FDFT1: variants seen among roughly 807,000 people sequenced by gnomAD.
FDFT1 encodes squalene synthase.
In FDFT1, 68 loss-of-function variants were observed where a neutral mutation model predicts 46.8. The observed-to-expected ratio is 1.45, with a 90% CI of 1.19 to 1.78. FDFT1 has a LOEUF of 1.78. Ranked by LOEUF, FDFT1 falls within the 40% of genes most tolerant of loss-of-function variation. The probability of loss-of-function intolerance (pLI) is 0.00; values close to 1 mark genes in which losing one functional copy is unlikely to be tolerated. For synonymous variants in FDFT1, 351 were observed against 185.1 expected (o/e 1.90, Z -7.28); for missense variants, 928 against 524.4 (o/e 1.77, Z -7.52).
intron 3 of FDFT1, among the ~76,000 whole-genome samples, chr8:11,818,937 C>A (rs886299009): frequency 6.6e-6 from 1 of 152,208 alleles, no homozygotes; most frequent in African/African-American, 2.4e-5. Context: ...GATGCAGTTT[C>A]TTCCTAGCCT....
intron 3 of FDFT1, among the ~76,000 whole-genome samples, chr8:11,819,146 A>G (rs1446055932): frequency 6.6e-6 from 1 of 152,128 alleles, no homozygotes; most frequent in East Asian, 1.9e-4. Context: ...TTCTGGGTTG[A>G]AAATTCTTTA....
At chr8:11,803,978 T>G (rs1026374755) in intron 1 of FDFT1, 1 of 152,428 alleles carries the variant, frequency 6.6e-6, no homozygotes, top group African/African-American at 2.4e-5. Context: ...ACAGAATAAC[T>G]TCTATTATTT....
chr8:11,798,668 G>A (rs548789872), upstream of FDFT1, among the ~76,000 whole-genome samples: 8 of 152,142 alleles, frequency 5.3e-5, no homozygotes, highest in East Asian at 3.8e-4. Flanking sequence ...GAATGGGCAC[G>A]TTAACTAACT....
chr8:11,800,856 C>CT (rs1806046453), upstream of FDFT1, among the ~76,000 whole-genome samples: 1 of 152,298 alleles, frequency 6.6e-6, no homozygotes, highest in East Asian at 1.9e-4. Context: ...TGGCTGGAAA[C>CT]TAAGTTTTTA....
intron 5 of FDFT1, among the ~76,000 whole-genome samples, chr8:11,828,931 AT>A (rs370329519): frequency 0.013 from 2,005 of 152,020 alleles, 47 homozygotes; most frequent in African/African-American, 0.045. Flanking sequence ...GGTTCTTCCC[AT>A]TTTTTTTGGC....
chr8:11,796,054 C>G (rs974061300), intron 1 of FDFT1: 10 of 151,982 alleles, frequency 6.6e-5, no homozygotes, highest in African/African-American at 1.9e-4. Context: ...TTTGTGATAA[C>G]TGACATTGTG....
chr8:11,812,162 C>T (rs778418966), intron 3 of FDFT1, among the ~76,000 whole-genome samples: 3 of 152,204 alleles, frequency 2.0e-5, no homozygotes, highest in Admixed American at 2.0e-4. Flanking sequence ...GGTGAGGGAT[C>T]ACTGGGGCCA....
At chr8:11,819,794 C>G (rs1446680635) in intron 3 of FDFT1, among the ~76,000 whole-genome samples, 2 of 152,088 alleles carry the variant, frequency 1.3e-5, no homozygotes, top group Non-Finnish European at 2.9e-5. Flanking sequence ...TCAGAACGTG[C>G]TGCTTTAGCT....
At chr8:11,803,318 G>T in intron 1 of FDFT1, 1 of 1,298,676 alleles carries the variant, frequency 7.7e-7, no homozygotes. Context: ...AATGAACTAT[G>T]CAGATAACAT....
At chr8:11,811,649 C>T (rs965143171) in intron 3 of FDFT1, among the ~76,000 whole-genome samples, 2 of 152,336 alleles carry the variant, frequency 1.3e-5, no homozygotes, top group Middle Eastern at 3.4e-3. Flanking sequence ...GATGTGAACA[C>T]TGAACTCATC....
At chr8:11,827,483 A>G (rs1242469123) in intron 5 of FDFT1, among the ~76,000 whole-genome samples, 2 of 151,464 alleles carry the variant, frequency 1.3e-5, no homozygotes, top group South Asian at 2.1e-4. Context: ...ACACCACTGC[A>G]CTCCAGCCTC....
At chr8:11,823,819 C>G (rs531671475) in intron 4 of FDFT1, among the ~76,000 whole-genome samples, 1 of 152,170 alleles carries the variant, frequency 6.6e-6, no homozygotes, top group African/African-American at 2.4e-5. Flanking sequence ...TCAAGGCTCA[C>G]TGCAGCCTTC....
At chr8:11,803,046 G>T in intron 1 of FDFT1, 115 bp downstream of exon 1, 1 of 1,471,094 alleles carries the variant, frequency 6.8e-7, no homozygotes, top group Non-Finnish European at 9.0e-7. Context: ...CAGGGCCGAC[G>T]CCTGGGTGTT....
At chr8:11,826,565 A>G (rs908013365) in intron 5 of FDFT1, among the ~76,000 whole-genome samples, 6 of 152,202 alleles carry the variant, frequency 3.9e-5, no homozygotes, top group African/African-American at 1.4e-4. Flanking sequence ...TGTAATCCCA[A>G]CAGTTTGAGA....
intron 3 of FDFT1, among the ~76,000 whole-genome samples, chr8:11,819,096 T>A (rs371618657): frequency 2.6e-5 from 4 of 152,294 alleles, no homozygotes; most frequent in African/African-American, 9.6e-5. Flanking sequence ...GGATTTTATT[T>A]CTCCTTCACT....
intron 6 of FDFT1, among the ~76,000 whole-genome samples, 197 bp from the exon 7 acceptor site, chr8:11,831,321 T>C (rs1810750272): frequency 6.6e-6 from 1 of 152,208 alleles, no homozygotes; most frequent in Non-Finnish European, 1.5e-5. Context: ...TTCTGTGTGT[T>C]GTTGAGAAAG....
At chr8:11,813,451 C>T (rs2130757932) in intron 3 of FDFT1, among the ~76,000 whole-genome samples, 1 of 152,318 alleles carries the variant, frequency 6.6e-6, no homozygotes, top group South Asian at 2.1e-4. Flanking sequence ...TTACCTAGTA[C>T]ATAATGTACT....
chr8:11,832,205 A>T (rs1810897298), intron 7 of FDFT1, among the ~76,000 whole-genome samples: 1 of 152,038 alleles, frequency 6.6e-6, no homozygotes, highest in Non-Finnish European at 1.5e-5. Flanking sequence ...AAACCATCCT[A>T]TAAAAAGAAA....
At chr8:11,805,322 C>G (rs1806692164) in intron 1 of FDFT1, among the ~76,000 whole-genome samples, 1 of 152,158 alleles carries the variant, frequency 6.6e-6, no homozygotes, top group Non-Finnish European at 1.5e-5. Context: ...GTTTAGTAAA[C>G]TTGATTTACA....
Sources: gnomAD v4.1 joint callset for allele counts (sites outside exome capture counted in the v4.1 genomes callset) on GRCh38, gnomAD v4.1.1 for gene constraint, MANE v1.5 for transcripts, NCBI Gene and HGNC (gene_info 2026-07-23, HGNC 2026-07-21) for gene names.